TTC34: variants seen among roughly 807,000 people sequenced by gnomAD.
TTC34 encodes the protein tetratricopeptide repeat domain 34.
A neutral mutation model predicts 40.7 loss-of-function variants in TTC34; 44 were observed. That is an observed-to-expected ratio of 1.08 (90% CI 0.85 to 1.39). The LOEUF (loss-of-function observed/expected upper bound fraction) is 1.39. Ranked by LOEUF, TTC34 falls within the 40% of genes most tolerant of loss-of-function variation. The probability of loss-of-function intolerance (pLI) is 0.00; values close to 1 mark genes in which losing one functional copy is unlikely to be tolerated. For synonymous variants in TTC34, 422 were observed against 398.6 expected (o/e 1.06, Z -0.70); for missense variants, 884 against 838.0 (o/e 1.05, Z -0.68).
chr1:2,788,349 TGTGG>T (rs896693512), intron 3 of TTC34, among the ~76,000 whole-genome samples: 13 of 151,446 alleles, frequency 8.6e-5, no homozygotes, highest in Admixed American at 3.3e-4. Flanking sequence ...GTGTGTTGTG[TGTGG>T]TGTGTGTGTT....
chr1:2,786,048 C>CCATG, intron 4 of TTC34, 25 bp from the exon 5 acceptor site: 2 of 1,443,712 alleles, frequency 1.4e-6, no homozygotes, highest in South Asian at 1.4e-5. Context: ...CAGTCACTGC[C>CCATG]CATGCCCTTG....
intron 6 of TTC34, among the ~76,000 whole-genome samples, chr1:2,683,577 G>A (rs1289330723): frequency 2.1e-5 from 3 of 144,702 alleles, no homozygotes; most frequent in Admixed American, 6.8e-5. Context: ...CCGACAGCCT[G>A]GAACAGCACC....
intron 6 of TTC34, among the ~76,000 whole-genome samples, chr1:2,753,782 AG>A (rs1641408495): frequency 9.0e-6 from 1 of 111,398 alleles, no homozygotes; most frequent in Non-Finnish European, 1.7e-5. Flanking sequence ...CCACACCCCT[AG>A]GTGAGCATCT....
chr1:2,655,017 A>C (rs534992800), intron 6 of TTC34, among the ~76,000 whole-genome samples: 6 of 133,026 alleles, frequency 4.5e-5, no homozygotes, highest in African/African-American at 1.8e-4. Context: ...TCACAACCCC[A>C]GGTGAGCATC....
At chr1:2,760,602 A>C (rs1396518859) in intron 6 of TTC34, among the ~76,000 whole-genome samples, 26 of 4,416 alleles carry the variant, frequency 5.9e-3, no homozygotes, top group Admixed American at 0.025. Context: ...GAAGCGCCCA[A>C]ACCCCAAGGT....
At position 2,776,379 on chromosome 1, in the gene TTC34, C is replaced by G. The variant is rs540397951; in HGVS notation, c.2226+7230G>C. The G allele has an allele frequency of 2.9e-5, 4 of 139,924 alleles. No homozygotes were observed. The East Asian group carries it at 8.3e-4, about 29-fold the overall frequency. 8.7% of individuals were successfully genotyped at this position (139,924 alleles called of 1,614,324 possible). On this transcript the variant is annotated intron_variant, in intron 6 of 8. Coordinates refer to ENST00000401095, the Ensembl canonical transcript of TTC34. ...AAACAACCCCCTTCAGGTGAGCATCCGACAGCCTGGAACAGCAGCTCACAT... is the reference window on the plus strand; with the variant it reads ...AAACAACCCCCTTCAGGTGAGCATCGGACAGCCTGGAACAGCAGCTCACAT...
exon 9 of TTC34, chr1:2,640,058 T>G (rs1015362795): frequency 6.6e-6 from 1 of 152,272 alleles, no homozygotes; most frequent in East Asian, 1.9e-4. Flanking sequence ...GGGGTCTATC[T>G]GTGGGTTCAA....
At chr1:2,657,459 G>T (rs148566981) in intron 6 of TTC34, among the ~76,000 whole-genome samples, 1 of 46,970 alleles carries the variant, frequency 2.1e-5, no homozygotes, top group Non-Finnish European at 5.0e-5. Context: ...CAGCACCCAC[G>T]CCCCCAGGCG....
At chr1:2,748,759 A>T (rs1215676988) in intron 6 of TTC34, among the ~76,000 whole-genome samples, 1 of 98,754 alleles carries the variant, frequency 1.0e-5, no homozygotes, top group East Asian at 3.7e-4. Flanking sequence ...CAGCACCCAC[A>T]CCCCTAGGAG....
intron 5 of TTC34, among the ~76,000 whole-genome samples, chr1:2,784,312 T>A (rs1643542355): frequency 6.6e-6 from 1 of 152,176 alleles, no homozygotes; most frequent in Admixed American, 6.5e-5. Flanking sequence ...AGACTTTCAC[T>A]ATTCCTTCTA....
intron 6 of TTC34, among the ~76,000 whole-genome samples, chr1:2,652,719 C>G (rs34327020): frequency 0.025 from 3,572 of 140,606 alleles, no homozygotes; most frequent in African/African-American, 0.088. Flanking sequence ...TGGAGGAGCA[C>G]CCACACCCCC....
rs12086720 is a variant in TTC34, at chr1:2,794,466, T to C, written c.785-4120A>G. On this transcript the variant is annotated intron_variant, in intron 2 of 8. Coordinates refer to ENST00000401095, the Ensembl canonical transcript of TTC34. ...AATATAAATAATGTTTTGCATATTTTGTTAAATTTTGCTACAATGTCTAAT... is the reference window on the plus strand; with the variant it reads ...AATATAAATAATGTTTTGCATATTTCGTTAAATTTTGCTACAATGTCTAAT... Among the ~76,000 whole-genome samples, 259 of 152,390 alleles carry C rather than the reference T, an allele frequency of 1.7e-3. 1 individual carries two copies. Among genetic ancestry groups the C allele is most frequent in the African/African-American group, 5.9e-3 (244 of 41,592 alleles).
intron 6 of TTC34, among the ~76,000 whole-genome samples, chr1:2,752,884 G>C (rs1305735738): frequency 5.5e-5 from 7 of 128,080 alleles, no homozygotes; most frequent in East Asian, 5.2e-4. Flanking sequence ...GGCCTGGAAC[G>C]GCACCCACAC....
chr1:2,789,412 C>T, intron 3 of TTC34, 91 bp downstream of exon 3: 1 of 1,305,916 alleles, frequency 7.7e-7, no homozygotes, highest in Non-Finnish European at 1.0e-6. Context: ...TCCGTTCATT[C>T]CTTTGTAAAA....
chr1:2,681,906 C>G (rs868760023), intron 6 of TTC34, among the ~76,000 whole-genome samples: 3 of 107,360 alleles, frequency 2.8e-5, no homozygotes, highest in African/African-American at 1.0e-4. Flanking sequence ...CAGCCTGCAC[C>G]ACCAGGTGCG....
intron 6 of TTC34, among the ~76,000 whole-genome samples, chr1:2,752,897 C>G (rs1187404295): frequency 2.8e-5 from 4 of 141,284 alleles, no homozygotes; most frequent in Non-Finnish European, 6.1e-5. Context: ...ACCCACACCC[C>G]CAGGTGAGCA....
chr1:2,789,692 C>G, exon 3 of TTC34: 1 of 1,194,112 alleles, frequency 8.4e-7, no homozygotes, highest in Non-Finnish European at 1.1e-6. Context: ...CCGCAGCCTG[C>G]AGGCGGTGAC....
At chr1:2,791,906 C>A (rs538453417) in intron 2 of TTC34, among the ~76,000 whole-genome samples, 1 of 150,232 alleles carries the variant, frequency 6.7e-6, no homozygotes, top group East Asian at 2.0e-4. Flanking sequence ...TTCTTCGTAT[C>A]GAGTAATTTC....
At chr1:2,688,111 T>A in intron 6 of TTC34, among the ~76,000 whole-genome samples, 1 of 152,378 alleles carries the variant, frequency 6.6e-6, no homozygotes. Flanking sequence ...CGTGACAGCC[T>A]GGAACAGCAC....
Sources: gnomAD v4.1 joint callset for allele counts (sites outside exome capture counted in the v4.1 genomes callset) on GRCh38, gnomAD v4.1.1 for gene constraint, MANE v1.5 for transcripts, NCBI Gene and HGNC (gene_info 2026-07-23, HGNC 2026-07-21) for gene names.